Variants in NPC1 observed in about 807,000 individuals in gnomAD.
NPC1 encodes Niemann-Pick C1 protein.
In NPC1, 85 loss-of-function variants were observed where a neutral mutation model predicts 140.4. The observed-to-expected ratio is 0.61, with a 90% CI of 0.51 to 0.72. NPC1 has a LOEUF of 0.72. NPC1 is among the 30% of genes least tolerant of loss of function. NPC1 has a pLI of 0.00. For missense variants in NPC1, 1,504 were observed against 1,623.8 expected, an observed-to-expected ratio of 0.93 and a Z score of 1.27; for synonymous variants, 656 against 624.8, an observed-to-expected ratio of 1.05 and a Z score of -0.74.
downstream of NPC1, chr18:23,520,304 C>G: frequency 6.2e-7 from 1 of 1,613,220 alleles, no homozygotes; most frequent in Non-Finnish European, 8.5e-7. Flanking sequence ...CTATCAGATC[C>G]CCATCACAGG....
intron 3 of NPC1, chr18:23,516,511 GC>G (rs991710168): frequency 8.5e-5 from 114 of 1,347,334 alleles, no homozygotes; most frequent in Middle Eastern, 5.4e-4. Flanking sequence ...ACCACGTGAT[GC>G]CCTGACCCCT....
chr18:23,529,368 G>T (rs768230598), downstream of NPC1: 1 of 1,543,116 alleles, frequency 6.5e-7, no homozygotes, highest in East Asian at 2.3e-5. Context: ...AAAACGAGGA[G>T]ACTTCATGTG....
At chr18:23,545,509 G>A (rs189171307) in intron 11 of NPC1, among the ~76,000 whole-genome samples, 3 of 152,344 alleles carry the variant, frequency 2.0e-5, no homozygotes, top group Non-Finnish European at 4.4e-5. Context: ...TCCCCAAAGC[G>A]CTGGGATTAC....
chr18:23,529,154 A>G (rs1299523264), downstream of NPC1: 1 of 1,603,810 alleles, frequency 6.2e-7, no homozygotes, highest in African/African-American at 1.3e-5. Flanking sequence ...GCCGAAGATC[A>G]TAGTTTGTGG....
chr18:23,563,036 C>G (rs1404690788), intron 4 of NPC1, among the ~76,000 whole-genome samples: 1 of 152,154 alleles, frequency 6.6e-6, no homozygotes, highest in Non-Finnish European at 1.5e-5. Flanking sequence ...GCACAACTAC[C>G]TCCCTACTTC....
At chr18:23,578,286 A>T (rs1189200630) in intron 1 of NPC1, among the ~76,000 whole-genome samples, 1 of 152,262 alleles carries the variant, frequency 6.6e-6, no homozygotes, top group African/African-American at 2.4e-5. Context: ...CACTGAGGCT[A>T]AACAACTTGT....
chr18:23,520,171 T>C (rs760679321), downstream of NPC1: 15 of 1,537,254 alleles, frequency 9.8e-6, no homozygotes, highest in Admixed American at 2.5e-4. Context: ...ATGATTGATT[T>C]TGGCCTCAGT....
At chr18:23,539,499 T>G in intron 18 of NPC1, 29 bp from the exon 19 acceptor site, 1 of 1,470,904 alleles carries the variant, frequency 6.8e-7, no homozygotes, top group Admixed American at 1.7e-5. Context: ...GTTACTGACC[T>G]GCTCCACAGG....
intron 1 of NPC1, among the ~76,000 whole-genome samples, chr18:23,585,554 G>C (rs1369796205): frequency 1.3e-5 from 2 of 152,190 alleles, no homozygotes; most frequent in Non-Finnish European, 2.9e-5. Context: ...GTCACAGCGT[G>C]ACACTGCCCC....
At chr18:23,560,110 A>G (rs1328170738) in intron 6 of NPC1, 121 bp downstream of exon 6, 3 of 1,152,884 alleles carry the variant, frequency 2.6e-6, no homozygotes, top group South Asian at 1.2e-5. Flanking sequence ...AATCCATGCA[A>G]TGGTATTCAT....
chr18:23,572,284 T>C, intron 2 of NPC1, 104 bp from the exon 3 acceptor site: 1 of 760,626 alleles, frequency 1.3e-6, no homozygotes, highest in Admixed American at 2.0e-5. Context: ...CCTTTTGAAG[T>C]ACAAAAGGGT....
At chr18:23,573,753 T>G (rs2059236065) in intron 1 of NPC1, among the ~76,000 whole-genome samples, 179 bp from the exon 2 acceptor site, 1 of 152,242 alleles carries the variant, frequency 6.6e-6, no homozygotes, top group African/African-American at 2.4e-5. Context: ...TGCCTATTTG[T>G]CAAGTCAGTG....
intron 9 of NPC1, among the ~76,000 whole-genome samples, chr18:23,553,865 C>G (rs1157558138): frequency 6.6e-6 from 1 of 152,210 alleles, no homozygotes; most frequent in Non-Finnish European, 1.5e-5. Context: ...CAATCTAAAG[C>G]TGCGGAGCTG....
rs562680039 is a variant in NPC1, at chr18:23,553,051, G to T, written c.1554-1324C>A. Among the ~76,000 whole-genome samples the T allele has an allele frequency of 2.6e-5, 4 of 152,342 alleles. No homozygotes were observed. The East Asian group carries it at 7.7e-4, about 29-fold the overall frequency. On this transcript the variant is annotated intron_variant, in intron 9 of 24. Coordinates refer to ENST00000269228, the MANE Select transcript of NPC1 (RefSeq NM_000271.5). ...AGCTGGAGGGAGAGGAAAGGGGACA[G>T]CGCTAGGGCGAGACTGGGGTTATGA...
chr18:23,575,237 T>G (rs2059257706), intron 1 of NPC1, among the ~76,000 whole-genome samples: 1 of 152,210 alleles, frequency 6.6e-6, no homozygotes, highest in Admixed American at 6.5e-5. Context: ...CACTTGGTAC[T>G]ATAGATGTGA....
intron 20 of NPC1, among the ~76,000 whole-genome samples, chr18:23,537,235 A>G (rs1423258611): frequency 1.3e-5 from 2 of 151,974 alleles, no homozygotes; most frequent in African/African-American, 4.8e-5. Flanking sequence ...ACGCTCAACT[A>G]ACTTTTGTAT....
At chr18:23,540,341 C>T (rs958666478) in intron 17 of NPC1, 107 bp downstream of exon 17, 1 of 762,932 alleles carries the variant, frequency 1.3e-6, no homozygotes, top group Non-Finnish European at 2.2e-6. Context: ...TCACCATTTG[C>T]AGTTAGAAGC....
At position 23,586,460 on chromosome 18, in the gene NPC1, G is replaced by T; in HGVS notation, c.-117C>A. 6.8e-7 allele frequency: 1 copy of T among 1,476,346 alleles called. No homozygotes were observed. Among genetic ancestry groups the T allele is most frequent in the South Asian group, 1.3e-5 (1 of 75,782 alleles). 91.5% of individuals were successfully genotyped at this position (1,476,346 alleles called of 1,614,324 possible). ...CCGCGCAGGAGGAGCGGAGGAGCAG[G>T]AGCAGGCGCTGACCGCGGCAGCAGG... On this transcript the variant is annotated 5_prime_UTR_variant, in exon 1 of 25. Coordinates refer to ENST00000269228, the MANE Select transcript of NPC1 (RefSeq NM_000271.5).
chr18:23,584,538 T>C (rs943256321), intron 1 of NPC1, among the ~76,000 whole-genome samples: 2 of 152,190 alleles, frequency 1.3e-5, no homozygotes, highest in Admixed American at 1.3e-4. Context: ...CCTTGGGTAC[T>C]TGAGATTTAA....
Sources: gnomAD v4.1 joint callset for allele counts (sites outside exome capture counted in the v4.1 genomes callset) on GRCh38, gnomAD v4.1.1 for gene constraint, MANE v1.5 for transcripts, NCBI Gene and HGNC (gene_info 2026-07-23, HGNC 2026-07-21) for gene names.